RASSF6: variants seen among roughly 807,000 people sequenced by gnomAD.
RASSF6 encodes Ras association domain family member 6.
RASSF6 carries 52 observed loss-of-function variants against 44.0 expected under a neutral mutation model. The observed-to-expected ratio is 1.18, with a 90% CI of 0.95 to 1.49. The LOEUF is 1.49. RASSF6 is among the 40% of genes most tolerant of loss of function. The pLI is 0.00. For missense variants in RASSF6, 464 were observed against 393.3 expected, an observed-to-expected ratio of 1.18 and a Z score of -1.52; for synonymous variants, 162 against 124.6, an observed-to-expected ratio of 1.30 and a Z score of -2.00.
chr4:73,590,481 A>C (rs1724459653), intron 4 of RASSF6, among the ~76,000 whole-genome samples: 1 of 152,208 alleles, frequency 6.6e-6, no homozygotes, highest in African/African-American at 2.4e-5. Context: ...AAAACAGTAA[A>C]TTTCTTTTCA....
chr4:73,586,580 G>C (rs1344437480), intron 5 of RASSF6, among the ~76,000 whole-genome samples: 1 of 151,896 alleles, frequency 6.6e-6, no homozygotes, highest in African/African-American at 2.4e-5. Flanking sequence ...ATAAGACCAT[G>C]TGGTGGCATT....
chr4:73,573,517 T>A lies in RASSF6; in HGVS notation c.*2718A>T, dbSNP rs1022882411. 2.0e-5 allele frequency: 3 copies of A among 152,208 alleles called. No individual in the cohort carries two copies. Among genetic ancestry groups the A allele is most frequent in the Non-Finnish European group, 4.4e-5 (3 of 68,036 alleles). 9.4% of individuals were successfully genotyped at this position (152,208 alleles called of 1,614,324 possible). ...ACAATAAATAACAATATAAAACATA[T>A]CTTTGCAGAATGTCTTTGTATCTCT... On this transcript the variant is annotated 3_prime_UTR_variant, in exon 11 of 11. Transcript: ENST00000307439.
At chr4:73,587,819 C>A in intron 5 of RASSF6, 21 bp downstream of exon 5, 1 of 1,505,602 alleles carries the variant, frequency 6.6e-7, no homozygotes, top group Non-Finnish European at 9.2e-7. Context: ...GTCTCCCAAT[C>A]AATAAGATTT....
rs748513845 is a variant in RASSF6 at position 73,587,895 on chromosome 4, A to C, written c.327T>G (p.Ile109Met). 6.2e-7 allele frequency: 1 copy of C among 1,610,528 alleles called. No homozygotes were observed. Among genetic ancestry groups the C allele is most frequent in the South Asian group, 1.1e-5 (1 of 90,826 alleles). ...RWGEFDDLYRISELDRTQIPM... is the reference protein window; with the variant it reads ...RWGEFDDLYRMSELDRTQIPM... ...GAATCTGGGTCCTGTCCAGCTCACT[A>C]ATACGATAGAGATCGTCAAATTCCC... The change falls in exon 5 of 11, where the codon ATT becomes ATG. Residue 109 changes from isoleucine (I) to methionine (M), a missense_variant. Transcript: ENST00000307439.
At chr4:73,592,490 A>T (rs1348271665) in intron 4 of RASSF6, among the ~76,000 whole-genome samples, 1 of 152,192 alleles carries the variant, frequency 6.6e-6, no homozygotes, top group African/African-American at 2.4e-5. Flanking sequence ...GAAAAAAAGG[A>T]TGAAAGGAAC....
At chr4:73,602,969 TC>T (rs1725380833) in intron 2 of RASSF6, among the ~76,000 whole-genome samples, 1 of 152,034 alleles carries the variant, frequency 6.6e-6, no homozygotes, top group Admixed American at 6.5e-5. Flanking sequence ...GCGCTTGTAG[TC>T]CCAGCTACTC....
intron 2 of RASSF6, among the ~76,000 whole-genome samples, chr4:73,608,724 G>C (rs898882192): frequency 1.3e-5 from 2 of 152,160 alleles, no homozygotes; most frequent in Non-Finnish European, 2.9e-5. Context: ...GGTATTCAGC[G>C]TTCTTCAGGA....
chr4:73,596,012 G>A (rs1414540437), intron 3 of RASSF6, among the ~76,000 whole-genome samples: 5 of 152,154 alleles, frequency 3.3e-5, no homozygotes, highest in African/African-American at 1.2e-4. Flanking sequence ...TTGTAAATAT[G>A]TAAAGTGAGC....
chr4:73,610,730 C>A (rs975574526), intron 2 of RASSF6, among the ~76,000 whole-genome samples: 6 of 152,202 alleles, frequency 3.9e-5, no homozygotes, highest in Non-Finnish European at 7.3e-5. Flanking sequence ...AATCAGAACC[C>A]TTTCCGCTCT....
chr4:73,585,303 T>A lies in RASSF6; in HGVS notation c.444A>T (p.Pro148=), dbSNP rs770457114. ...KPHAKDEPDS[P]VLYRTMSEAA... ...CTTCACTCATGGTTCTATAGAGCAC[T>A]GGGGAGTCTGGTTCATCCTTTGCAT... is the stretch of plus-strand genomic sequence containing the variant. Residue 148 remains proline (P), a synonymous_variant, in exon 6 of 11, where the codon CCA becomes CCT. Coordinates refer to ENST00000307439, the MANE Select transcript of RASSF6 (RefSeq NM_177532.5). 6 of 1,611,914 alleles carry A rather than the reference T, an allele frequency of 3.7e-6. No individual in the cohort carries two copies. The East Asian group carries it at 1.1e-4, about 30-fold the overall frequency.
At position 73,576,314 on chromosome 4, in the gene RASSF6, A is replaced by G. The variant is rs1723211099; in HGVS notation, c.939-4T>C. On this transcript the variant is annotated splice_polypyrimidine_tract_variant and splice_region_variant and intron_variant, in intron 10 of 10. Transcript: ENST00000307439. ...AATCGCCTTTTCTTTATTGAATCTG[A>G]AAATGAGAAGAAGAAAGACTATTAA... The G allele has an allele frequency of 2.0e-6, 3 of 1,530,338 alleles. No individual in the cohort carries two copies. The African/African-American group carries it at 4.1e-5, about 21-fold the overall frequency. 94.8% of individuals were successfully genotyped at this position (1,530,338 alleles called of 1,614,324 possible).
intron 1 of RASSF6, among the ~76,000 whole-genome samples, chr4:73,617,370 A>G (rs1160385328): frequency 6.6e-6 from 1 of 152,224 alleles, no homozygotes; most frequent in African/African-American, 2.4e-5. Context: ...CGGTCAGAGA[A>G]GCAAATTTGT....
chr4:73,597,195 A>G (rs928235619), intron 3 of RASSF6, among the ~76,000 whole-genome samples: 1 of 152,218 alleles, frequency 6.6e-6, no homozygotes, highest in African/African-American at 2.4e-5. Flanking sequence ...AATCTACAGA[A>G]TGGGAGAATA....
At position 73,576,722 on chromosome 4, in the gene RASSF6, C is replaced by A; in HGVS notation, c.731G>T (p.Arg244Leu). The change falls in exon 9 of 11, where the codon CGA (arginine) becomes CTA (leucine). Residue 244 changes from arginine to leucine, a missense_variant. Physicochemically the swap from Arg to Leu is moderately radical, Grantham distance 102. Transcript: ENST00000307439. ...TAGCGGAATGTCTGTCTTCTTTAGT[C>A]GTCTTTGTTCTGCAGTGAAAACAAG... is the stretch of plus-strand genomic sequence containing the variant. Reference protein sequence around the residue: ...HIIFATGEQRRLKKTDIPLLQ... With the variant: ...HIIFATGEQRLLKKTDIPLLQ... The A allele has an allele frequency of 6.3e-7, 1 of 1,596,170 alleles. No homozygotes were observed. Among genetic ancestry groups the A allele is most frequent in the Non-Finnish European group, 8.6e-7 (1 of 1,166,316 alleles).
At chr4:73,578,546 G>A (rs916189098) in intron 8 of RASSF6, among the ~76,000 whole-genome samples, 1 of 152,072 alleles carries the variant, frequency 6.6e-6, no homozygotes, top group Non-Finnish European at 1.5e-5. Context: ...TACCCTTTGA[G>A]TGTCCCCCTC....
In RASSF6 at chr4:73,585,299, G is replaced by T. The variant is rs1004421268; in HGVS notation, c.448C>A (p.Leu150Ile). 1.9e-6 allele frequency: 3 copies of T among 1,611,888 alleles called. No homozygotes were observed. Among genetic ancestry groups the T allele is most frequent in the Middle Eastern group, 3.3e-4 (2 of 6,054 alleles). ...GCTGCTTCACTCATGGTTCTATAGA[G>T]CACTGGGGAGTCTGGTTCATCCTTT... ...HAKDEPDSPV[L>I]YRTMSEAALV... Residue 150 changes from leucine (L) to isoleucine (I), a missense_variant, in exon 6 of 11, where the codon CTC becomes ATC. Transcript: ENST00000307439.
intron 2 of RASSF6, among the ~76,000 whole-genome samples, chr4:73,609,990 T>A (rs549747469): frequency 1.3e-5 from 2 of 152,308 alleles, no homozygotes; most frequent in South Asian, 2.1e-4. Flanking sequence ...AACAGGCATC[T>A]GAGTCAGAAG....
At chr4:73,612,716 G>A (rs1057387288) in intron 1 of RASSF6, among the ~76,000 whole-genome samples, 3 of 152,006 alleles carry the variant, frequency 2.0e-5, no homozygotes, top group Non-Finnish European at 4.4e-5. Context: ...TAGGTACTTT[G>A]TTACAGTTTT....
chr4:73,607,847 C>A (rs868327623), intron 2 of RASSF6, among the ~76,000 whole-genome samples: 1 of 147,580 alleles, frequency 6.8e-6, no homozygotes, highest in African/African-American at 2.5e-5. Flanking sequence ...CCCCTCCCTA[C>A]CCCTCCTCTC....
Sources: allele counts gnomAD v4.1 joint callset (sites outside exome capture counted in the v4.1 genomes callset), GRCh38; gene constraint gnomAD v4.1.1; transcripts MANE v1.5; gene names NCBI Gene and HGNC (gene_info 2026-07-23, HGNC 2026-07-21).